Variants in PSMA1 observed in about 807,000 individuals in gnomAD.
The protein encoded by PSMA1 is proteasome subunit alpha type-1.
In PSMA1, 3 loss-of-function variants were observed where a neutral mutation model predicts 38.4. The observed-to-expected ratio is 0.08, with a 90% confidence interval of 0.04 to 0.20. PSMA1 has a LOEUF of 0.20. PSMA1 is among the 10% of genes least tolerant of loss of function. The pLI is 1.00. For synonymous variants in PSMA1, 101 were observed against 107.1 expected (o/e 0.94, Z 0.35); for missense variants, 227 against 325.3 (o/e 0.70, Z 2.32).
At position 14,513,558 on chromosome 11, in the gene PSMA1, G is replaced by T; in HGVS notation, c.544+12C>A. On this transcript the variant is annotated intron_variant, in intron 7 of 9. Transcript: ENST00000396394. ...AAAAAAAAAAAAAAAAAAAAGCAAG[G>T]CTGTCACTTACACTCCATAAATTCA... The T allele has an allele frequency of 6.9e-7, 1 of 1,438,984 alleles. No individual in the cohort carries two copies. Among genetic ancestry groups the T allele is most frequent in the Non-Finnish European group, 9.1e-7 (1 of 1,096,880 alleles). The allele number at this position is 1,438,984 out of a possible 1,614,324, so 89.1% of individuals were successfully genotyped here. A position where few individuals can be genotyped will look rare whatever the true frequency, so the allele number is the denominator to read the frequency against.
At position 14,614,328 on chromosome 11, in the gene PSMA1, T is replaced by C. The variant is rs146053622; in HGVS notation, c.-165-3177A>G. On this transcript the variant is annotated intron_variant, in intron 1 of 10. Coordinates refer to the PSMA1 transcript ENST00000418988. The stretch of plus-strand genomic sequence containing the variant: ...TAACTCTGTGGTTTATTTCATTATA[T>C]GATGAGTAACATTTTTTCCTTTGTT... Among the ~76,000 whole-genome samples the C allele has an allele frequency of 1.7e-3, 264 of 152,234 alleles. 1 individual carries two copies. Among genetic ancestry groups the C allele is most frequent in the African/African-American group, 6.0e-3 (250 of 41,552 alleles).
intron 1 of PSMA1, among the ~76,000 whole-genome samples, chr11:14,631,100 T>C (rs891587182): frequency 6.6e-6 from 1 of 152,024 alleles, no homozygotes; most frequent in Non-Finnish European, 1.5e-5. Context: ...ATTTTGTTGA[T>C]CCTTTCAAAA....
In PSMA1 at chr11:14,633,396, C is replaced by T. The variant is rs1371708389; in HGVS notation, c.-166+10059G>A. Among the ~76,000 whole-genome samples the T allele has an allele frequency of 6.2e-4, 92 of 148,200 alleles. 1 individual carries two copies. The East Asian group carries it at 0.018, about 28-fold the overall frequency. ...CTGCAGGTCTGTTGGAGTACCCTGC[C>T]GTGTGAGGTGTCAGTGTGCCCCTGC... On this transcript the variant is annotated intron_variant, in intron 1 of 10. Coordinates refer to the PSMA1 transcript ENST00000418988.
intron 2 of PSMA1, among the ~76,000 whole-genome samples, chr11:14,586,581 G>T (rs1454604066): frequency 1.3e-5 from 2 of 152,022 alleles, no homozygotes; most frequent in Admixed American, 1.3e-4. Flanking sequence ...CATTTAAAAA[G>T]AATGAATAGT....
chr11:14,609,182 T>C (rs1194507752), intron 2 of PSMA1, among the ~76,000 whole-genome samples: 3 of 152,206 alleles, frequency 2.0e-5, no homozygotes, highest in African/African-American at 7.2e-5. Flanking sequence ...AGCTAATCCC[T>C]AGATTGTAAT....
chr11:14,623,130 G>A (rs1852869115), intron 1 of PSMA1, among the ~76,000 whole-genome samples: 1 of 152,234 alleles, frequency 6.6e-6, no homozygotes, highest in South Asian at 2.1e-4. Flanking sequence ...GATTGAGCCT[G>A]AGAAGGACAA....
chr11:14,558,064 C>T (rs1227380844), intron 2 of PSMA1, among the ~76,000 whole-genome samples: 1 of 151,940 alleles, frequency 6.6e-6, no homozygotes, highest in African/African-American at 2.4e-5. Flanking sequence ...TAGTCAAATA[C>T]AAACGATGAG....
chr11:14,601,354 A>C (rs1259616677), intron 2 of PSMA1, among the ~76,000 whole-genome samples: 1 of 152,162 alleles, frequency 6.6e-6, no homozygotes, highest in Non-Finnish European at 1.5e-5. Flanking sequence ...CTGTTCCTAA[A>C]CTAAGTTCTA....
chr11:14,580,808 A>G (rs1200096390), intron 2 of PSMA1, among the ~76,000 whole-genome samples: 1 of 152,190 alleles, frequency 6.6e-6, no homozygotes, highest in South Asian at 2.1e-4. Flanking sequence ...GAATTGTAGG[A>G]AACTGAGAGA....
rs1851380214 is a variant in PSMA1, at chr11:14,513,615, A to G, written c.499T>C (p.Ser167Pro). The G allele has an allele frequency of 6.3e-7, 1 of 1,589,478 alleles. No homozygotes were observed. Among genetic ancestry groups the G allele is most frequent in the Non-Finnish European group, 8.5e-7 (1 of 1,172,730 alleles). The change falls in exon 7 of 10, where the codon TCA becomes CCA. Residue 167 changes from serine to proline, a missense_variant. Physicochemically the swap from Ser to Pro is moderately conservative, Grantham distance 74. Transcript: ENST00000396394. ...TGTCTCTCCAAGTAAGTACGAGCTG[A>G]TTGGGAACGGGCTCCAATGGACATG... ...RAMSIGARSQ[S>P]ARTYLERHMS...
At chr11:14,604,392 T>C (rs1852618310) in intron 2 of PSMA1, among the ~76,000 whole-genome samples, 1 of 152,106 alleles carries the variant, frequency 6.6e-6, no homozygotes, top group African/African-American at 2.4e-5. Flanking sequence ...TTATATTCTG[T>C]AGAATATATG....
chr11:14,551,033 G>A (rs1189672881), intron 2 of PSMA1, among the ~76,000 whole-genome samples: 1 of 152,112 alleles, frequency 6.6e-6, no homozygotes, highest in African/African-American at 2.4e-5. Context: ...CACAGTGCAT[G>A]AACTCAACAC....
chr11:14,532,466 G>A lies in PSMA1; in HGVS notation c.22-13425C>T, dbSNP rs144370612. Among the ~76,000 whole-genome samples the A allele has an allele frequency of 1.4e-3, 215 of 152,134 alleles. 1 individual carries two copies. The highest frequency in any genetic ancestry group is 7.0e-3 in the East Asian group (36 of 5,156). On this transcript the variant is annotated intron_variant, in intron 2 of 10. Transcript: ENST00000418988. The stretch of plus-strand genomic sequence containing the variant: ...CTAAAAATACAAAACTTAGCCCGGC[G>A]TAGTGGCACATGCCTGTAGTCCCAG...
chr11:14,638,292 A>C (rs1208638004), intron 1 of PSMA1, among the ~76,000 whole-genome samples: 2 of 151,962 alleles, frequency 1.3e-5, no homozygotes, highest in Admixed American at 1.3e-4. Flanking sequence ...CACATTATTT[A>C]CTCCTATTTG....
chr11:14,609,520 G>C (rs1211433042), intron 2 of PSMA1, among the ~76,000 whole-genome samples: 1 of 152,178 alleles, frequency 6.6e-6, no homozygotes, highest in East Asian at 1.9e-4. Flanking sequence ...ATGGAGTTAT[G>C]AGATGTTGAG....
chr11:14,597,446 T>G (rs945922450), intron 2 of PSMA1, among the ~76,000 whole-genome samples: 26 of 152,340 alleles, frequency 1.7e-4, no homozygotes, highest in Admixed American at 9.8e-4. Context: ...TATTCAGAGA[T>G]TCAACTTCTT....
intron 2 of PSMA1, among the ~76,000 whole-genome samples, chr11:14,573,272 T>C (rs1852169043): frequency 6.6e-6 from 1 of 152,210 alleles, no homozygotes; most frequent in Admixed American, 6.5e-5. Flanking sequence ...AATAAAATAC[T>C]GGCAAACCGA....
chr11:14,541,605 C>T (rs1762311375), intron 2 of PSMA1, among the ~76,000 whole-genome samples: 1 of 152,238 alleles, frequency 6.6e-6, no homozygotes, highest in African/African-American at 2.4e-5. Context: ...CCACTGCCCA[C>T]ACTCTTTTCC....
chr11:14,592,167 C>A (rs981038305), intron 2 of PSMA1, among the ~76,000 whole-genome samples: 2 of 152,092 alleles, frequency 1.3e-5, no homozygotes, highest in Non-Finnish European at 2.9e-5. Context: ...TCAGAAGGAA[C>A]AAACTCCAGA....
Sources: gnomAD v4.1 joint callset for allele counts (sites outside exome capture counted in the v4.1 genomes callset) on GRCh38, gnomAD v4.1.1 for gene constraint, MANE v1.5 for transcripts, NCBI Gene and HGNC (gene_info 2026-07-23, HGNC 2026-07-21) for gene names.